The following PRKG1 variants were observed in gnomAD, a reference collection of about 807,000 sequenced individuals.
PRKG1 encodes cGMP-dependent protein kinase 1.
A neutral mutation model predicts 88.1 loss-of-function variants in PRKG1; 35 were observed. The observed-to-expected ratio is 0.40, with a 90% CI of 0.30 to 0.53. PRKG1 has a LOEUF of 0.53. Ranked by LOEUF, PRKG1 falls within the 20% of genes least tolerant of loss-of-function variation. The pLI, the probability that PRKG1 is intolerant of heterozygous loss-of-function variation, is 0.59. For missense variants in PRKG1, 540 were observed against 839.8 expected (o/e 0.64, Z 4.41); for synonymous variants, 303 against 292.5 (o/e 1.04, Z -0.37).
intron 3 of PRKG1, among the ~76,000 whole-genome samples, chr10:51,636,087 T>G (rs2132288967): frequency 6.6e-6 from 1 of 152,318 alleles, no homozygotes; most frequent in South Asian, 2.1e-4. Flanking sequence ...GTTAGGTGGC[T>G]TGGTCTTATT....
At chr10:51,777,337 C>T (rs1271236912) in intron 3 of PRKG1, among the ~76,000 whole-genome samples, 2 of 151,912 alleles carry the variant, frequency 1.3e-5, no homozygotes, top group African/African-American at 4.8e-5. Flanking sequence ...CTGGAAATAC[C>T]CTTCACCCTC....
At chr10:51,671,696 C>A (rs1356245403) in intron 3 of PRKG1, among the ~76,000 whole-genome samples, 1 of 151,896 alleles carries the variant, frequency 6.6e-6, no homozygotes, top group African/African-American at 2.4e-5. Flanking sequence ...AAACAATTCT[C>A]CTGCCTCAGC....
At chr10:51,583,152 TA>T (rs1337491063) in intron 3 of PRKG1, among the ~76,000 whole-genome samples, 3 of 152,174 alleles carry the variant, frequency 2.0e-5, no homozygotes, top group African/African-American at 7.2e-5. Flanking sequence ...AGCTATTTTG[TA>T]ATCTGAACAT....
intron 10 of PRKG1, among the ~76,000 whole-genome samples, chr10:52,267,410 A>T (rs1379507624): frequency 6.6e-6 from 1 of 152,228 alleles, no homozygotes; most frequent in African/African-American, 2.4e-5. Flanking sequence ...GACAATAATA[A>T]TAAATAGCTA....
At chr10:51,124,049 G>A (rs908483418) in intron 1 of PRKG1, among the ~76,000 whole-genome samples, 28 of 152,022 alleles carry the variant, frequency 1.8e-4, no homozygotes, top group Middle Eastern at 3.2e-3. Flanking sequence ...TCCAATACTG[G>A]AGATTAGAAT....
At chr10:51,772,776 C>T (rs1838337877) in intron 3 of PRKG1, among the ~76,000 whole-genome samples, 1 of 151,848 alleles carries the variant, frequency 6.6e-6, no homozygotes, top group Admixed American at 6.6e-5. Context: ...GGGGTATTGT[C>T]CATTAGAATA....
intron 2 of PRKG1, among the ~76,000 whole-genome samples, chr10:51,183,485 T>C (rs1904685): frequency 0.053 from 8,080 of 152,254 alleles, 404 homozygotes; most frequent in African/African-American, 0.13. Context: ...CTGCATATTA[T>C]AATAGCTACC....
At chr10:52,203,974 C>T (rs1244963713) in intron 9 of PRKG1, among the ~76,000 whole-genome samples, 2 of 152,106 alleles carry the variant, frequency 1.3e-5, no homozygotes, top group East Asian at 1.9e-4. Context: ...TGTGTGCAAC[C>T]TGTCGCTTGG....
intron 14 of PRKG1, 61 bp downstream of exon 14, chr10:52,282,377 G>C: frequency 1.4e-6 from 2 of 1,437,170 alleles, no homozygotes; most frequent in Non-Finnish European, 1.9e-6. Flanking sequence ...ACACACTCCT[G>C]CTTTTGTCAC....
At chr10:51,631,014 C>T (rs933738927) in intron 3 of PRKG1, among the ~76,000 whole-genome samples, 3 of 152,162 alleles carry the variant, frequency 2.0e-5, no homozygotes, top group African/African-American at 7.2e-5. Flanking sequence ...CTCCATGTGG[C>T]AAAGCAGTTT....
chr10:51,530,910 G>A (rs1157369588), intron 3 of PRKG1, among the ~76,000 whole-genome samples: 2 of 152,050 alleles, frequency 1.3e-5, no homozygotes, highest in Non-Finnish European at 2.9e-5. Flanking sequence ...CTCCTTATGG[G>A]CCCGGGGTTT....
At chr10:51,502,476 G>A (rs1329109078) in intron 3 of PRKG1, among the ~76,000 whole-genome samples, 2 of 152,160 alleles carry the variant, frequency 1.3e-5, no homozygotes, top group African/African-American at 4.8e-5. Context: ...TACAAGGAAT[G>A]AGTCTATGTT....
At chr10:51,707,348 G>A (rs1226401667) in intron 3 of PRKG1, among the ~76,000 whole-genome samples, 3 of 152,074 alleles carry the variant, frequency 2.0e-5, no homozygotes, top group Admixed American at 6.6e-5. Context: ...CTACTCGAGC[G>A]CATAGTCCTG....
At position 51,990,900 on chromosome 10, in the gene PRKG1, C is replaced by A. The variant is rs140197020; in HGVS notation, c.763-63584C>A. On this transcript the variant is annotated intron_variant, in intron 5 of 17. Coordinates refer to ENST00000373980, the MANE Select transcript of PRKG1 (RefSeq NM_006258.4). Reference sequence around the variant, plus strand: ...GTTCCTGCAAAGATATGATCTCATTCTTTTTATAGCTGCATAGTATTCCAT... The same window carrying A: ...GTTCCTGCAAAGATATGATCTCATTATTTTTATAGCTGCATAGTATTCCAT... Among the ~76,000 whole-genome samples, 376 of 152,166 alleles carry A rather than the reference C, an allele frequency of 2.5e-3. 2 individuals carry two copies. The highest frequency in any genetic ancestry group is 8.4e-3 in the African/African-American group (349 of 41,530).
intron 4 of PRKG1, among the ~76,000 whole-genome samples, chr10:51,867,608 T>C (rs960141400): frequency 6.6e-6 from 1 of 152,060 alleles, no homozygotes; most frequent in Admixed American, 6.6e-5. Context: ...GGAAGGAGTC[T>C]AGGAAACTGC....
At chr10:51,301,832 A>G (rs1840895932) in intron 2 of PRKG1, among the ~76,000 whole-genome samples, 1 of 152,218 alleles carries the variant, frequency 6.6e-6, no homozygotes. Context: ...TTGGTTTTGC[A>G]GTCAGAGGAG....
chr10:51,073,177 G>A (rs1318642741), upstream of PRKG1, among the ~76,000 whole-genome samples: 3 of 152,174 alleles, frequency 2.0e-5, no homozygotes, highest in African/African-American at 7.2e-5. Flanking sequence ...TGTAACACTT[G>A]GATAGAAAGG....
chr10:51,600,625 A>C (rs1032012465), intron 3 of PRKG1, among the ~76,000 whole-genome samples: 3 of 152,202 alleles, frequency 2.0e-5, no homozygotes, highest in Admixed American at 1.3e-4. Context: ...TCAATCTGTA[A>C]TAAATATTTT....
intron 8 of PRKG1, among the ~76,000 whole-genome samples, chr10:52,160,627 A>G (rs547200789): frequency 6.6e-6 from 1 of 152,076 alleles, no homozygotes; most frequent in Admixed American, 6.6e-5. Flanking sequence ...TCCTCTTTAT[A>G]GTTTTTCAAA....
Sources: gnomAD v4.1 joint callset for allele counts (sites outside exome capture counted in the v4.1 genomes callset) on GRCh38, gnomAD v4.1.1 for gene constraint, MANE v1.5 for transcripts, NCBI Gene and HGNC (gene_info 2026-07-23, HGNC 2026-07-21) for gene names.